The following BBS5 variants were observed in gnomAD, a reference collection of about 807,000 sequenced individuals.
The protein encoded by BBS5 is BBSome complex member BBS5.
In BBS5, 39 loss-of-function variants were observed where a neutral mutation model predicts 50.2. That is an observed-to-expected ratio of 0.78 (90% CI 0.60 to 1.01). The LOEUF is 1.01. Ranked by LOEUF, BBS5 falls within the 50% of genes least tolerant of loss-of-function variation. The probability of loss-of-function intolerance (pLI) is 0.00; values close to 1 mark genes in which losing one functional copy is unlikely to be tolerated. For synonymous variants in BBS5, 134 were observed against 133.1 expected, an observed-to-expected ratio of 1.01 and a Z score of -0.05; for missense variants, 356 against 401.5, an observed-to-expected ratio of 0.89 and a Z score of 0.97.
intron 2 of BBS5, among the ~76,000 whole-genome samples, chr2:169,482,893 C>G (rs1683424689): frequency 6.6e-6 from 1 of 152,168 alleles, no homozygotes; most frequent in Admixed American, 6.5e-5. Context: ...CCAAATCTCC[C>G]TAAGGTTGGA....
chr2:169,489,365 A>G (rs1468303777), intron 5 of BBS5, among the ~76,000 whole-genome samples: 3 of 151,870 alleles, frequency 2.0e-5, no homozygotes. Flanking sequence ...CTGGAGGCTG[A>G]GGCAGGAAAA....
rs1029257952 is a variant in BBS5 at position 169,505,371 on chromosome 2, C to T, written c.*789C>T. ...GCCAAGAGTGCAGCCTCTGCCCGGCCGCCACCCCGTCTGGGAAGTGAGGAG... is the reference window on the plus strand; with the variant it reads ...GCCAAGAGTGCAGCCTCTGCCCGGCTGCCACCCCGTCTGGGAAGTGAGGAG... On this transcript the variant is annotated 3_prime_UTR_variant, in exon 12 of 12. Transcript: ENST00000295240. The T allele has an allele frequency of 5.1e-5, 18 of 349,626 alleles. No individual in the cohort carries two copies. In the Admixed American group the frequency reaches 5.2e-4, roughly 10 times the overall value. 21.7% of individuals were successfully genotyped at this position (349,626 alleles called of 1,614,324 possible).
At chr2:169,483,623 A>G (rs1683438049) in intron 2 of BBS5, among the ~76,000 whole-genome samples, 1 of 152,166 alleles carries the variant, frequency 6.6e-6, no homozygotes, top group Non-Finnish European at 1.5e-5. Context: ...TCGGTTGAAG[A>G]CACCAGAGGA....
chr2:169,482,677 T>A, intron 2 of BBS5: 1 of 278,908 alleles, frequency 3.6e-6, no homozygotes, highest in South Asian at 4.4e-5. Flanking sequence ...ATAGCTGTAG[T>A]ACCTGGAGCC....
chr2:169,490,083 G>A (rs1397329872), intron 5 of BBS5, among the ~76,000 whole-genome samples: 2 of 147,202 alleles, frequency 1.4e-5, no homozygotes, highest in Non-Finnish European at 3.0e-5. Flanking sequence ...CACCATGTTA[G>A]CCAGTATGGT....
chr2:169,505,146 G>T lies in BBS5; in HGVS notation c.*564G>T, dbSNP rs1683883787. The stretch of plus-strand genomic sequence containing the variant: ...GTTTTCGTATTTTTTTGGTGGAGAC[G>T]GGGTTTCGCTGTGTTGGCCGGGCTG... On this transcript the variant is annotated 3_prime_UTR_variant, in exon 12 of 12. Coordinates refer to ENST00000295240, the MANE Select transcript of BBS5 (RefSeq NM_152384.3). 5 of 689,490 alleles carry T rather than the reference G, an allele frequency of 7.3e-6. No individual in the cohort carries two copies. The highest frequency in any genetic ancestry group is 3.4e-5 in the South Asian group (2 of 59,192). 42.7% of individuals were successfully genotyped at this position (689,490 alleles called of 1,614,324 possible).
chr2:169,501,030 C>T (rs751749699), intron 9 of BBS5, among the ~76,000 whole-genome samples: 9 of 152,098 alleles, frequency 5.9e-5, no homozygotes, highest in Non-Finnish European at 8.8e-5. Context: ...CCAAATGCTA[C>T]GAGTGGAATT....
intron 8 of BBS5, chr2:169,499,073 T>G (rs1683750686): frequency 5.4e-6 from 1 of 184,080 alleles, no homozygotes; most frequent in African/African-American, 2.4e-5. Flanking sequence ...TCTGTTCCTT[T>G]TCAAGGCCTA....
At chr2:169,482,599 G>A (rs1021175617) in intron 2 of BBS5, 2 of 427,680 alleles carry the variant, frequency 4.7e-6, no homozygotes, top group Non-Finnish European at 8.6e-6. Flanking sequence ...TTTGCAAGGG[G>A]CATTAGTTCT....
Position 169,505,900 on chromosome 2 carries a change from C to G in BBS5, c.*1318C>G, listed in dbSNP as rs370773265. The G allele has an allele frequency of 0.035, 5,428 of 153,180 alleles. 115 individuals are homozygous for G. The highest frequency in any genetic ancestry group is 0.093 in the East Asian group (468 of 5,018). The allele number at this position is 153,180 out of a possible 1,614,324, so 9.5% of individuals were successfully genotyped here. On this transcript the variant is annotated 3_prime_UTR_variant, in exon 12 of 12. Transcript: ENST00000295240. The stretch of plus-strand genomic sequence containing the variant: ...GGGCGCCTCTGCCCAGCTGCCCCTA[C>G]TGGGAAGTGAGGAGCCCCTCTGCCC...
intron 2 of BBS5, among the ~76,000 whole-genome samples, chr2:169,485,770 T>C (rs1266046529): frequency 6.6e-6 from 1 of 152,186 alleles, no homozygotes; most frequent in Non-Finnish European, 1.5e-5. Flanking sequence ...TGGCTTCCAG[T>C]TGGAAGAGCC....
chr2:169,495,847 G>A (rs1337143747), intron 7 of BBS5, among the ~76,000 whole-genome samples: 2 of 152,054 alleles, frequency 1.3e-5, no homozygotes, highest in Non-Finnish European at 2.9e-5. Context: ...TTGTAGAGAC[G>A]GGGTTTCACC....
chr2:169,493,689 A>C (rs1683642881), intron 6 of BBS5, 52 bp from the exon 7 acceptor site: 1 of 1,246,364 alleles, frequency 8.0e-7, no homozygotes, highest in Non-Finnish European at 1.2e-6. Context: ...GAAAATAAAG[A>C]ATAGGTACCA....
rs751819870 is a variant in BBS5, at chr2:169,497,698, T to C, written c.681+9T>C. 10 of 1,555,450 alleles carry C rather than the reference T, an allele frequency of 6.4e-6. No individual in the cohort carries two copies. Among genetic ancestry groups the C allele is most frequent in the Non-Finnish European group, 8.9e-6 (10 of 1,128,742 alleles). ...TAGAAAGCTCTCAGCAGGTAAGATC[T>C]TGTATATTTTTATTAATCTTTGATT... On this transcript the variant is annotated intron_variant, in intron 8 of 11. Coordinates refer to ENST00000295240, the MANE Select transcript of BBS5 (RefSeq NM_152384.3).
rs907930016 is a variant in BBS5 at position 169,505,125 on chromosome 2, T to C, written c.*543T>C. On this transcript the variant is annotated 3_prime_UTR_variant, in exon 12 of 12. Coordinates refer to ENST00000295240, the MANE Select transcript of BBS5 (RefSeq NM_152384.3). Reference sequence around the variant, plus strand: ...GCGCGCCGCCACACCTGACTGGTTTTCGTATTTTTTTGGTGGAGACGGGGT... The same window carrying C: ...GCGCGCCGCCACACCTGACTGGTTTCCGTATTTTTTTGGTGGAGACGGGGT... 9.7e-6 allele frequency: 8 copies of C among 824,906 alleles called. No homozygotes were observed. In the Middle Eastern group the frequency reaches 7.9e-4, roughly 81 times the overall value. 51.1% of individuals were successfully genotyped at this position (824,906 alleles called of 1,614,324 possible).
intron 5 of BBS5, among the ~76,000 whole-genome samples, chr2:169,490,108 C>A (rs1683566444): frequency 6.7e-6 from 1 of 149,562 alleles, no homozygotes; most frequent in Admixed American, 6.7e-5. Context: ...ATCTCCTGAC[C>A]TCGTGATCTG....
intron 5 of BBS5, among the ~76,000 whole-genome samples, chr2:169,488,486 A>G (rs536510103): frequency 6.6e-6 from 1 of 152,310 alleles, no homozygotes; most frequent in East Asian, 1.9e-4. Flanking sequence ...ATTCCTATGA[A>G]AATCTAATGC....
At chr2:169,489,961 C>T (rs1302416319) in intron 5 of BBS5, among the ~76,000 whole-genome samples, 1 of 143,466 alleles carries the variant, frequency 7.0e-6, no homozygotes, top group Non-Finnish European at 1.5e-5. Flanking sequence ...GCAAGCTCCA[C>T]CTCCCAAGTT....
chr2:169,499,881 T>C (rs1287453552), intron 9 of BBS5, among the ~76,000 whole-genome samples: 1 of 152,252 alleles, frequency 6.6e-6, no homozygotes, highest in Non-Finnish European at 1.5e-5. Context: ...AATTTCCATG[T>C]GCAGTGCTCC....
Sources: allele counts gnomAD v4.1 joint callset (sites outside exome capture counted in the v4.1 genomes callset), GRCh38; gene constraint gnomAD v4.1.1; transcripts MANE v1.5; gene names NCBI Gene and HGNC (gene_info 2026-07-23, HGNC 2026-07-21).